DNAH8: variants seen among roughly 807,000 people sequenced by gnomAD.
DNAH8 encodes the protein dynein axonemal heavy chain 8.
Under a neutral mutation model 562.1 loss-of-function variants are expected in DNAH8, and 382 were observed. The observed-to-expected ratio is 0.68, with a 90% CI of 0.63 to 0.74. DNAH8 has a LOEUF of 0.74. DNAH8 is among the 30% of genes least tolerant of loss of function. The pLI, the probability that DNAH8 is intolerant of heterozygous loss-of-function variation, is 0.00. For synonymous variants in DNAH8, 1,881 were observed against 1,919.4 expected (o/e 0.98, Z 0.52); for missense variants, 5,203 against 5,620.4 (o/e 0.93, Z 2.37).
Position 38,826,407 on chromosome 6 carries a change from ATT to A in DNAH8, c.4083+24_4083+25del, listed in dbSNP as rs34231573. On this transcript the variant is annotated intron_variant, in intron 29 of 92. Coordinates refer to ENST00000327475, the MANE Select transcript of DNAH8 (RefSeq NM_001206927.2). ...ACCAATTGAAGTAAGAAATGATTGC[ATT>A]TTTTTTTCTTGGAATGCTTTTTTGT... 1.4e-6 allele frequency: 2 copies of A among 1,477,236 alleles called. No homozygotes were observed. The highest frequency in any genetic ancestry group is 1.8e-6 in the Non-Finnish European group (2 of 1,083,406). The allele number at this position is 1,477,236 out of a possible 1,614,324, so 91.5% of individuals were successfully genotyped here. A position where few individuals can be genotyped will look rare whatever the true frequency, so the allele number is the denominator to read the frequency against.
At chr6:38,742,725 C>A (rs1241884193) in intron 8 of DNAH8, among the ~76,000 whole-genome samples, 1 of 152,078 alleles carries the variant, frequency 6.6e-6, no homozygotes, top group Non-Finnish European at 1.5e-5. Context: ...TACCCTTAGC[C>A]CCACCACCCA....
chr6:38,864,197 T>A (rs922593980), intron 45 of DNAH8, 137 bp downstream of exon 45: 2 of 803,202 alleles, frequency 2.5e-6, no homozygotes, highest in Admixed American at 3.3e-5. Context: ...TGATTTTTTT[T>A]ATGTCATTAT....
At chr6:38,932,035 A>C in intron 76 of DNAH8, 42 bp downstream of exon 76, 1 of 1,350,006 alleles carries the variant, frequency 7.4e-7, no homozygotes, top group East Asian at 2.7e-5. Context: ...CTTATAATAC[A>C]TGCTTAAAAT....
chr6:38,773,389 A>G (rs72849178), intron 12 of DNAH8, among the ~76,000 whole-genome samples: 18,620 of 152,094 alleles, frequency 0.12, 1,390 homozygotes, highest in Admixed American at 0.22. Context: ...TAGAATGGTC[A>G]TCCATCTGTG....
chr6:39,022,752 G>A lies in DNAH8; in HGVS notation c.13715-3794G>A, dbSNP rs895743304. Reference sequence around the variant, plus strand: ...TTCCCCTTGGGTGTCTGAACAGAAGGGCCTGGGAGGGAGGGCCACACCCCT... The same window carrying A: ...TTCCCCTTGGGTGTCTGAACAGAAGAGCCTGGGAGGGAGGGCCACACCCCT... On this transcript the variant is annotated intron_variant, in intron 91 of 92. Coordinates refer to ENST00000327475, the MANE Select transcript of DNAH8 (RefSeq NM_001206927.2). Among the ~76,000 whole-genome samples the A allele has an allele frequency of 9.9e-5, 15 of 152,218 alleles. 1 individual carries two copies. The highest frequency in any genetic ancestry group is 6.5e-5 in the Admixed American group (1 of 15,292).
chr6:38,760,422 A>G lies in DNAH8; in HGVS notation c.1516-1280A>G, dbSNP rs536898275. 2.0e-5 allele frequency among the ~76,000 whole-genome samples: 3 copies of G among 147,356 alleles called. No individual in the cohort carries two copies. The South Asian group carries it at 6.4e-4, about 31-fold the overall frequency. On this transcript the variant is annotated intron_variant, in intron 10 of 92. Coordinates refer to ENST00000327475, the MANE Select transcript of DNAH8 (RefSeq NM_001206927.2). ...TTTATTCTCCCAGGAAGCTTTTAGG[A>G]TTTTTTTTCTTTATCTTTGAATTTC...
At chr6:38,945,919 A>G (rs953779784) in intron 80 of DNAH8, among the ~76,000 whole-genome samples, 15 of 152,210 alleles carry the variant, frequency 9.9e-5, no homozygotes, top group East Asian at 1.9e-4. Context: ...ACTTCTGCCT[A>G]TGATTAAGTG....
At chr6:38,721,584 A>C (rs1444637487) in intron 1 of DNAH8, among the ~76,000 whole-genome samples, 4 of 152,152 alleles carry the variant, frequency 2.6e-5, no homozygotes, top group African/African-American at 9.7e-5. Flanking sequence ...AACCCTGCTG[A>C]TAATTTGGGA....
intron 10 of DNAH8, 38 bp from the exon 11 acceptor site, chr6:38,761,664 T>A: frequency 8.7e-7 from 1 of 1,154,332 alleles, no homozygotes; most frequent in Non-Finnish European, 1.2e-6. Context: ...TTATTTCTCT[T>A]TTTACATATA....
At chr6:38,924,241 G>A in intron 73 of DNAH8, 79 bp downstream of exon 73, 2 of 1,434,726 alleles carry the variant, frequency 1.4e-6, no homozygotes, top group South Asian at 2.5e-5. Flanking sequence ...GGCTGGGTGT[G>A]GTGGCTCACA....
At chr6:38,823,443 C>T in intron 27 of DNAH8, 119 bp from the exon 28 acceptor site, 1 of 718,200 alleles carries the variant, frequency 1.4e-6, no homozygotes, top group South Asian at 1.9e-5. Flanking sequence ...CTTACCCAGC[C>T]ACTGGCCCCA....
chr6:38,768,282 G>A (rs9470929), intron 11 of DNAH8, among the ~76,000 whole-genome samples: 2,123 of 151,786 alleles, frequency 0.014, 63 homozygotes, highest in African/African-American at 0.049. Flanking sequence ...TTGCTTGTTC[G>A]TTTTGAGACA....
chr6:38,863,866 A>T lies in DNAH8; in HGVS notation c.6311-7A>T. ...AAACTTTACAAATTAACTGTTTTTC[A>T]TGCCAGGTCTTGCACAGTCGGGTTC... On this transcript the variant is annotated splice_region_variant and splice_polypyrimidine_tract_variant and intron_variant, in intron 44 of 92. Coordinates refer to ENST00000327475, the MANE Select transcript of DNAH8 (RefSeq NM_001206927.2). The T allele has an allele frequency of 6.4e-7, 1 of 1,570,580 alleles. No individual in the cohort carries two copies. Among genetic ancestry groups the T allele is most frequent in the Non-Finnish European group, 8.6e-7 (1 of 1,166,598 alleles).
At chr6:38,909,766 C>T (rs774899114) in intron 65 of DNAH8, 22 bp downstream of exon 65, 4 of 1,581,008 alleles carry the variant, frequency 2.5e-6, no homozygotes, top group Non-Finnish European at 2.6e-6. Context: ...TACATAAGCA[C>T]CATCGCTATG....
intron 88 of DNAH8, among the ~76,000 whole-genome samples, chr6:39,005,290 A>G (rs898542769): frequency 7.9e-5 from 12 of 152,070 alleles, no homozygotes; most frequent in African/African-American, 2.9e-4. Flanking sequence ...GTGCACGCCT[A>G]TGGTCTCTGC....
At chr6:38,877,029 G>A (rs1362240743) in intron 53 of DNAH8, among the ~76,000 whole-genome samples, 4 of 152,150 alleles carry the variant, frequency 2.6e-5, no homozygotes, top group Non-Finnish European at 5.9e-5. Context: ...ACTAACAAAG[G>A]AATCTTTAAA....
intron 54 of DNAH8, 125 bp from the exon 55 acceptor site, chr6:38,883,197 G>A: frequency 7.6e-7 from 1 of 1,324,030 alleles, no homozygotes; most frequent in South Asian, 1.6e-5. Flanking sequence ...GATGGTAGAT[G>A]CAATTCTAAA....
chr6:38,866,689 G>T lies in DNAH8; in HGVS notation c.6585+12G>T. ...TTCCTGATAGACAGGTATGCACTAG[G>T]ATTTAAAAGCATAATGTGCTTTATG... On this transcript the variant is annotated intron_variant, in intron 46 of 92. Coordinates refer to ENST00000327475, the MANE Select transcript of DNAH8 (RefSeq NM_001206927.2). 6.2e-7 allele frequency: 1 copy of T among 1,607,882 alleles called. No individual in the cohort carries two copies. Among genetic ancestry groups the T allele is most frequent in the Non-Finnish European group, 8.5e-7 (1 of 1,175,916 alleles).
chr6:38,926,236 A>G, intron 74 of DNAH8, 26 bp downstream of exon 74: 2 of 1,602,300 alleles, frequency 1.2e-6, no homozygotes, highest in Non-Finnish European at 1.7e-6. Flanking sequence ...TGCAGGGGAA[A>G]GTAATCTTGA....
Sources: gnomAD v4.1 joint callset for allele counts (sites outside exome capture counted in the v4.1 genomes callset) on GRCh38, gnomAD v4.1.1 for gene constraint, MANE v1.5 for transcripts, NCBI Gene and HGNC (gene_info 2026-07-23, HGNC 2026-07-21) for gene names.